The following SEMA3C variants were observed in gnomAD, a reference collection of about 807,000 sequenced individuals.
The protein encoded by SEMA3C is semaphorin 3C.
In SEMA3C, 47 loss-of-function variants were observed where a neutral mutation model predicts 89.4. That is an observed-to-expected ratio of 0.53 (90% CI 0.42 to 0.67). The LOEUF is 0.67. Among genes scored for constraint, SEMA3C ranks in the 30% least tolerant of loss-of-function variants. SEMA3C has a pLI of 0.00. For missense variants in SEMA3C, 839 were observed against 929.1 expected, an observed-to-expected ratio of 0.90 and a Z score of 1.26; for synonymous variants, 310 against 320.2, an observed-to-expected ratio of 0.97 and a Z score of 0.34.
chr7:80,841,090 C>G (rs1317036572), intron 2 of SEMA3C, among the ~76,000 whole-genome samples: 1 of 152,052 alleles, frequency 6.6e-6, no homozygotes, highest in African/African-American at 2.4e-5. Context: ...ACAGAAAGAT[C>G]CAAATTTCTT....
intron 4 of SEMA3C, among the ~76,000 whole-genome samples, chr7:80,827,032 T>C (rs1005319660): frequency 5.3e-5 from 8 of 152,148 alleles, no homozygotes; most frequent in African/African-American, 1.9e-4. Flanking sequence ...GGCTAACCAC[T>C]ACCCTTTTGC....
intron 2 of SEMA3C, among the ~76,000 whole-genome samples, chr7:80,895,093 C>T (rs985091920): frequency 1.6e-4 from 25 of 152,196 alleles, no homozygotes; most frequent in East Asian, 7.7e-4. Context: ...CCCACACACA[C>T]GTGAGCATGC....
At chr7:80,790,074 G>C (rs2115588013) in intron 11 of SEMA3C, among the ~76,000 whole-genome samples, 1 of 152,208 alleles carries the variant, frequency 6.6e-6, no homozygotes, top group Non-Finnish European at 1.5e-5. Flanking sequence ...GTTGAAGCCA[G>C]GGGTTCAAGA....
At position 80,906,839 on chromosome 7, in the gene SEMA3C, A is replaced by G. The variant is rs1323659097; in HGVS notation, c.103+9840T>C. 2.0e-5 allele frequency among the ~76,000 whole-genome samples: 3 copies of G among 152,144 alleles called. No homozygotes were observed. In the East Asian group the frequency reaches 5.8e-4, roughly 29 times the overall value. ...CTTTCACCTAAAACCAGAATATTTCATTATTCTGTAGCCAAGCGGTAGGGG... is the reference window on the plus strand; with the variant it reads ...CTTTCACCTAAAACCAGAATATTTCGTTATTCTGTAGCCAAGCGGTAGGGG... On this transcript the variant is annotated intron_variant, in intron 2 of 17. Coordinates refer to ENST00000265361, the MANE Select transcript of SEMA3C (RefSeq NM_006379.5).
intron 2 of SEMA3C, among the ~76,000 whole-genome samples, chr7:80,830,659 A>T (rs1789988649): frequency 6.6e-6 from 1 of 152,192 alleles, no homozygotes; most frequent in Non-Finnish European, 1.5e-5. Context: ...AAGACAGGTC[A>T]TTAATAACAA....
intron 2 of SEMA3C, among the ~76,000 whole-genome samples, chr7:80,832,070 T>C (rs1228577929): frequency 6.6e-6 from 1 of 152,252 alleles, no homozygotes; most frequent in East Asian, 1.9e-4. Flanking sequence ...GATGATTATA[T>C]GGAATTCTGA....
chr7:80,863,890 T>TG (rs375323476), intron 2 of SEMA3C, among the ~76,000 whole-genome samples: 2 of 145,952 alleles, frequency 1.4e-5, no homozygotes, highest in African/African-American at 5.0e-5. Flanking sequence ...CACATATATA[T>TG]CACACATATA....
At chr7:80,903,386 C>T (rs543636905) in intron 2 of SEMA3C, among the ~76,000 whole-genome samples, 1 of 152,242 alleles carries the variant, frequency 6.6e-6, no homozygotes, top group Non-Finnish European at 1.5e-5. Flanking sequence ...TGGGGCCAGG[C>T]ACAATGGCTC....
At chr7:80,763,045 C>A (rs1318900680) in intron 13 of SEMA3C, among the ~76,000 whole-genome samples, 1 of 152,166 alleles carries the variant, frequency 6.6e-6, no homozygotes, top group African/African-American at 2.4e-5. Context: ...CATGCACACA[C>A]ACATACAAAT....
chr7:80,856,148 A>T (rs1790633667), intron 2 of SEMA3C, among the ~76,000 whole-genome samples: 3 of 152,112 alleles, frequency 2.0e-5, no homozygotes, highest in Admixed American at 2.0e-4. Flanking sequence ...TGAAGGGCTC[A>T]CCATAAATAT....
intron 2 of SEMA3C, among the ~76,000 whole-genome samples, chr7:80,895,115 C>A (rs949881082): frequency 1.3e-5 from 2 of 152,194 alleles, no homozygotes; most frequent in African/African-American, 4.8e-5. Context: ...CGCGCATGTA[C>A]ACACAAACTC....
intron 12 of SEMA3C, among the ~76,000 whole-genome samples, chr7:80,769,730 G>A (rs908400530): frequency 4.0e-5 from 6 of 151,786 alleles, no homozygotes; most frequent in Admixed American, 3.3e-4. Flanking sequence ...ATGGGGGCAG[G>A]CGCCTGTAAA....
chr7:80,912,249 G>A (rs1243096553), intron 2 of SEMA3C, among the ~76,000 whole-genome samples: 2 of 152,070 alleles, frequency 1.3e-5, no homozygotes, highest in Non-Finnish European at 2.9e-5. Flanking sequence ...AAATTTTCAA[G>A]AGATGTTCTT....
At chr7:80,814,321 G>A (rs576927821) in intron 5 of SEMA3C, among the ~76,000 whole-genome samples, 4 of 151,862 alleles carry the variant, frequency 2.6e-5, no homozygotes, top group East Asian at 3.9e-4. Flanking sequence ...ATCTCCTGAC[G>A]TCATGATCTG....
At chr7:80,849,044 G>T (rs1322254149) in intron 2 of SEMA3C, among the ~76,000 whole-genome samples, 1 of 152,006 alleles carries the variant, frequency 6.6e-6, no homozygotes, top group African/African-American at 2.4e-5. Context: ...TAACGCAAGA[G>T]ATTTTACTGC....
At chr7:80,834,747 T>G (rs1790086826) in intron 2 of SEMA3C, among the ~76,000 whole-genome samples, 1 of 152,126 alleles carries the variant, frequency 6.6e-6, no homozygotes, top group Admixed American at 6.6e-5. Flanking sequence ...ACCCTACAGA[T>G]AGCAAAATCC....
At chr7:80,908,509 T>C (rs1038684485) in intron 2 of SEMA3C, among the ~76,000 whole-genome samples, 4 of 152,156 alleles carry the variant, frequency 2.6e-5, no homozygotes, top group Admixed American at 2.6e-4. Context: ...ACGCTAACTA[T>C]AGTAACACTA....
chr7:80,862,125 T>C (rs1323467435), intron 2 of SEMA3C, among the ~76,000 whole-genome samples: 1 of 152,048 alleles, frequency 6.6e-6, no homozygotes, highest in East Asian at 1.9e-4. Context: ...ATAAAGGGCA[T>C]CCAAATAGGT....
intron 2 of SEMA3C, among the ~76,000 whole-genome samples, chr7:80,868,248 A>G (rs571174843): frequency 4.6e-5 from 7 of 152,008 alleles, no homozygotes; most frequent in African/African-American, 1.7e-4. Flanking sequence ...CTTCCCTTAT[A>G]TTTTATTTCA....
Sources: allele counts gnomAD v4.1 joint callset (sites outside exome capture counted in the v4.1 genomes callset), GRCh38; gene constraint gnomAD v4.1.1; transcripts MANE v1.5; gene names NCBI Gene and HGNC (gene_info 2026-07-23, HGNC 2026-07-21).